Variants in LPAR1 observed in about 807,000 individuals in gnomAD.
LPAR1 encodes lysophosphatidic acid receptor 1.
Under a neutral mutation model 23.8 loss-of-function variants are expected in LPAR1, and 5 were observed. That is an observed-to-expected ratio of 0.21 (90% CI 0.11 to 0.44). The LOEUF (loss-of-function observed/expected upper bound fraction) is 0.44, where lower values mean the gene tolerates loss of function less well. Among genes scored for constraint, LPAR1 ranks in the 20% least tolerant of loss-of-function variants. The pLI is 0.99. For synonymous variants in LPAR1, 160 were observed against 164.7 expected (o/e 0.97, Z 0.22); for missense variants, 311 against 482.8 (o/e 0.64, Z 3.33).
intron 5 of LPAR1, among the ~76,000 whole-genome samples, chr9:110,894,796 G>T (rs527507309): frequency 2.0e-5 from 3 of 151,932 alleles, no homozygotes; most frequent in Non-Finnish European, 2.9e-5. Flanking sequence ...CAGGAGGATC[G>T]CTTGAGCCCA....
intron 5 of LPAR1, among the ~76,000 whole-genome samples, chr9:110,922,824 A>T (rs927224020): frequency 7.0e-6 from 1 of 142,242 alleles, no homozygotes; most frequent in Non-Finnish European, 1.5e-5. Flanking sequence ...TCTTATTATT[A>T]TATTATTATT....
chr9:110,937,768 C>A (rs1021635486), intron 5 of LPAR1, among the ~76,000 whole-genome samples: 1 of 152,156 alleles, frequency 6.6e-6, no homozygotes, highest in African/African-American at 2.4e-5. Context: ...TGCTGACCAA[C>A]AAATTCTTCT....
At chr9:110,952,863 T>C (rs187654408) in intron 4 of LPAR1, among the ~76,000 whole-genome samples, 26 of 152,114 alleles carry the variant, frequency 1.7e-4, no homozygotes, top group African/African-American at 6.3e-4. Context: ...ACTGTCTACC[T>C]CCAGTGCTCA....
chr9:110,915,032 T>C (rs980896577), intron 5 of LPAR1, among the ~76,000 whole-genome samples: 12 of 152,140 alleles, frequency 7.9e-5, no homozygotes, highest in African/African-American at 2.7e-4. Flanking sequence ...CTGCATGCAC[T>C]TGCAGTCTAG....
rs1322959034 is a variant in LPAR1, at chr9:111,038,062, G to A, written c.-262+105C>T. The A allele has an allele frequency of 6.6e-6, 1 of 151,784 alleles. No individual in the cohort carries two copies. The highest frequency in any genetic ancestry group is 1.5e-5 in the Non-Finnish European group (1 of 67,926). The allele number at this position is 151,784 out of a possible 1,614,324, so 9.4% of individuals were successfully genotyped here. A position where few individuals can be genotyped will look rare whatever the true frequency, so the allele number is the denominator to read the frequency against. ...CAACCACAAAGCCCGTCCGCGGCGG[G>A]ACAGTGTGAGCCCAGCGCGCCGTGT... On this transcript the variant is annotated intron_variant, in intron 1 of 5. Coordinates refer to ENST00000683809, the MANE Select transcript of LPAR1 (RefSeq NM_001351411.2). This position sits in a 1 kb window ranked among gnomAD's most constrained non-coding sequence, Gnocchi z 4.4.
In LPAR1 at chr9:110,941,197, A is replaced by G. The variant is rs2095076615; in HGVS notation, c.793+224T>C. Among the ~76,000 whole-genome samples the G allele has an allele frequency of 6.6e-6, 1 of 152,150 alleles. No homozygotes were observed. Among genetic ancestry groups the G allele is most frequent in the Non-Finnish European group, 1.5e-5 (1 of 68,034 alleles). On this transcript the variant is annotated intron_variant, in intron 5 of 5. Coordinates refer to ENST00000683809, the MANE Select transcript of LPAR1 (RefSeq NM_001351411.2). This position sits in a 1 kb window ranked among gnomAD's most constrained non-coding sequence, Gnocchi z 6.1. Reference sequence around the variant, plus strand: ...CAATGACATCTTTTACATCATCATCATTTATACTGCACCACTGGGACCCAT... The same window carrying G: ...CAATGACATCTTTTACATCATCATCGTTTATACTGCACCACTGGGACCCAT...
chr9:110,920,168 G>A (rs539344460), intron 5 of LPAR1, among the ~76,000 whole-genome samples: 1 of 152,262 alleles, frequency 6.6e-6, no homozygotes, highest in South Asian at 2.1e-4. Flanking sequence ...CCATGCCATT[G>A]TGCCCAGAAG....
intron 5 of LPAR1, among the ~76,000 whole-genome samples, chr9:110,922,888 G>A (rs1239875345): frequency 6.7e-6 from 1 of 150,038 alleles, no homozygotes; most frequent in East Asian, 2.0e-4. Flanking sequence ...TATGCAGAAC[G>A]TGCAGGTTTG....
At chr9:110,916,437 C>T (rs897109324) in intron 5 of LPAR1, among the ~76,000 whole-genome samples, 4 of 152,172 alleles carry the variant, frequency 2.6e-5, no homozygotes, top group Non-Finnish European at 4.4e-5. Flanking sequence ...TTCAGAATCA[C>T]TTTTGTAACC....
chr9:110,906,629 C>T (rs569630126), intron 5 of LPAR1, among the ~76,000 whole-genome samples: 1 of 152,180 alleles, frequency 6.6e-6, no homozygotes, highest in East Asian at 1.9e-4. Context: ...GACTCTTACA[C>T]TTAGGGAAAC....
chr9:110,993,015 G>A (rs1179101634), intron 2 of LPAR1, among the ~76,000 whole-genome samples: 5 of 151,982 alleles, frequency 3.3e-5, no homozygotes, highest in African/African-American at 1.2e-4. Context: ...GAAAGCATAA[G>A]TCTTAAAGAA....
intron 5 of LPAR1, among the ~76,000 whole-genome samples, chr9:110,880,827 C>T (rs187313525): frequency 2.6e-5 from 4 of 152,270 alleles, no homozygotes; most frequent in Non-Finnish European, 4.4e-5. Context: ...AGCGTGGTAT[C>T]CCAGAATCTA....
intron 5 of LPAR1, among the ~76,000 whole-genome samples, chr9:110,882,770 T>TC (rs35811245): frequency 0.25 from 38,231 of 152,126 alleles, 5,356 homozygotes; most frequent in East Asian, 0.41. Context: ...ACAATTCTTT[T>TC]CAGAGACCTG....
chr9:110,908,955 T>C (rs2091916734), intron 5 of LPAR1, among the ~76,000 whole-genome samples: 1 of 152,222 alleles, frequency 6.6e-6, no homozygotes, highest in Non-Finnish European at 1.5e-5. Context: ...TTGAAACTTA[T>C]ATTTATTTTA....
chr9:110,904,269 T>A (rs1203061440), intron 5 of LPAR1, among the ~76,000 whole-genome samples: 1 of 152,138 alleles, frequency 6.6e-6, no homozygotes, highest in Non-Finnish European at 1.5e-5. Flanking sequence ...ATCCTCCTCA[T>A]GAGTTTCATA....
At position 110,941,392 on chromosome 9, in the gene LPAR1, A is replaced by C; in HGVS notation, c.793+29T>G. ...TTATGTTAGTCACTGAGAATCTATA[A>C]AGTAAGTTACAGTCAAGACAGAACT... On this transcript the variant is annotated intron_variant, in intron 5 of 5. Coordinates refer to ENST00000683809, the MANE Select transcript of LPAR1 (RefSeq NM_001351411.2). The surrounding 1 kb of genome is among the most constrained non-coding windows in gnomAD (Gnocchi z 6.1). The C allele has an allele frequency of 6.4e-7, 1 of 1,563,660 alleles. No homozygotes were observed. Among genetic ancestry groups the C allele is most frequent in the Non-Finnish European group, 8.7e-7 (1 of 1,155,366 alleles).
intron 5 of LPAR1, among the ~76,000 whole-genome samples, chr9:110,914,043 C>T (rs780693852): frequency 7.9e-5 from 12 of 152,080 alleles, no homozygotes; most frequent in Non-Finnish European, 1.3e-4. Context: ...TCCTTTGGTT[C>T]CTGTCCTCAA....
At chr9:110,894,803 C>T (rs911631189) in intron 5 of LPAR1, among the ~76,000 whole-genome samples, 2 of 151,938 alleles carry the variant, frequency 1.3e-5, no homozygotes, top group Non-Finnish European at 2.9e-5. Flanking sequence ...ATCGCTTGAG[C>T]CCAGGAGTTC....
At chr9:110,943,212 T>C (rs990839975) in intron 4 of LPAR1, among the ~76,000 whole-genome samples, 11 of 150,340 alleles carry the variant, frequency 7.3e-5, no homozygotes, top group African/African-American at 1.7e-4. Context: ...ATAGAGTAAG[T>C]CATTCTTCTT....
Sources: gnomAD v4.1 joint callset for allele counts (sites outside exome capture counted in the v4.1 genomes callset) on GRCh38, gnomAD v4.1.1 for gene constraint, Gnocchi (gnomAD v3.1) non-coding constraint, MANE v1.5 for transcripts, NCBI Gene and HGNC (gene_info 2026-07-23, HGNC 2026-07-21) for gene names.